The following ITPKB variants were observed in gnomAD, a reference collection of about 807,000 sequenced individuals.
ITPKB encodes the protein IP3 3-kinase B.
In ITPKB, 13 loss-of-function variants were observed where a neutral mutation model predicts 69.4. That is an observed-to-expected ratio of 0.19 (90% CI 0.12 to 0.30). ITPKB has a LOEUF of 0.30. Ranked by LOEUF, ITPKB falls within the 10% of genes least tolerant of loss-of-function variation. The pLI, the probability that ITPKB is intolerant of heterozygous loss-of-function variation, is 1.00. For synonymous variants in ITPKB, 584 were observed against 513.7 expected (o/e 1.14, Z -1.85); for missense variants, 1,240 against 1,250.5 (o/e 0.99, Z 0.13).
chr1:226,717,901 A>G (rs1186120470), intron 2 of ITPKB, among the ~76,000 whole-genome samples: 1 of 152,240 alleles, frequency 6.6e-6, no homozygotes, highest in Admixed American at 6.5e-5. Flanking sequence ...GCCCGTTTTT[A>G]TAGCACCTCT....
intron 2 of ITPKB, among the ~76,000 whole-genome samples, chr1:226,720,758 T>C (rs1657215926): frequency 6.6e-6 from 1 of 152,302 alleles, no homozygotes; most frequent in East Asian, 1.9e-4. Flanking sequence ...AAAAGAAATA[T>C]TGGCCGGGCG....
intron 2 of ITPKB, among the ~76,000 whole-genome samples, chr1:226,650,909 A>G (rs1022282895): frequency 6.6e-6 from 1 of 152,198 alleles, no homozygotes; most frequent in African/African-American, 2.4e-5. Flanking sequence ...GGGCCCTGGA[A>G]AGTGACCTTC....
At chr1:226,651,925 A>G (rs1036967537) in intron 2 of ITPKB, among the ~76,000 whole-genome samples, 18 of 152,302 alleles carry the variant, frequency 1.2e-4, no homozygotes, top group African/African-American at 4.3e-4. Context: ...CCATGAAAAT[A>G]GGTCCCACGT....
intron 2 of ITPKB, among the ~76,000 whole-genome samples, chr1:226,717,948 A>C (rs1657134218): frequency 6.6e-6 from 1 of 152,276 alleles, no homozygotes; most frequent in Non-Finnish European, 1.5e-5. Context: ...ATCATTCCAC[A>C]GAAGGAGACG....
At chr1:226,702,892 A>C (rs1182404221) in intron 2 of ITPKB, among the ~76,000 whole-genome samples, 1 of 152,196 alleles carries the variant, frequency 6.6e-6, no homozygotes. Context: ...GAACTAAGAG[A>C]ATTTCATTCC....
chr1:226,663,826 G>A (rs56188441), intron 2 of ITPKB, among the ~76,000 whole-genome samples: 11,773 of 152,166 alleles, frequency 0.077, 1,509 homozygotes, highest in African/African-American at 0.27. Context: ...GAGCCACCAC[G>A]TCCAGGTTAA....
chr1:226,709,592 TC>T (rs955711278), intron 2 of ITPKB, among the ~76,000 whole-genome samples: 4 of 151,874 alleles, frequency 2.6e-5, no homozygotes, highest in Non-Finnish European at 4.4e-5. Flanking sequence ...ACATCCAACT[TC>T]CCCCCAACAA....
intron 2 of ITPKB, among the ~76,000 whole-genome samples, chr1:226,703,320 GT>G (rs971116116): frequency 6.6e-6 from 1 of 152,238 alleles, no homozygotes; most frequent in African/African-American, 2.4e-5. Context: ...CACTCGATTT[GT>G]TTACAATGAA....
At chr1:226,639,702 C>T in intron 5 of ITPKB, 44 bp from the exon 6 acceptor site, 1 of 1,328,794 alleles carries the variant, frequency 7.5e-7, no homozygotes, top group Non-Finnish European at 1.1e-6. Context: ...CAGCAGGGAC[C>T]CTCGGGCAGA....
At chr1:226,663,579 C>T (rs1053471652) in intron 2 of ITPKB, among the ~76,000 whole-genome samples, 3 of 152,088 alleles carry the variant, frequency 2.0e-5, no homozygotes, top group African/African-American at 7.2e-5. Flanking sequence ...GGCGCAATCA[C>T]GGCTCACCTA....
In ITPKB at chr1:226,701,903, T is replaced by C. The variant is rs543842245; in HGVS notation, c.1932+33624A>G. Among the ~76,000 whole-genome samples the C allele has an allele frequency of 5.9e-5, 9 of 152,242 alleles. No homozygotes were observed. In the South Asian group the frequency reaches 1.9e-3, roughly 32 times the overall value. ...ATTCTGCAGAATAACTGGTACCAAATAGCCATTTCCTGCTCATTCACGGCT... is the reference window on the plus strand; with the variant it reads ...ATTCTGCAGAATAACTGGTACCAAACAGCCATTTCCTGCTCATTCACGGCT... On this transcript the variant is annotated intron_variant, in intron 2 of 7. Coordinates refer to ENST00000429204, the MANE Select transcript of ITPKB (RefSeq NM_002221.4).
intron 2 of ITPKB, among the ~76,000 whole-genome samples, chr1:226,699,836 T>C (rs1355305163): frequency 6.6e-6 from 1 of 152,036 alleles, no homozygotes; most frequent in Non-Finnish European, 1.5e-5. Context: ...GATAAATATA[T>C]AAAGGGGAGT....
chr1:226,633,586 GA>G lies in ITPKB; in HGVS notation c.*1084del, dbSNP rs1249926055. The G allele has an allele frequency of 1.3e-5, 2 of 152,194 alleles. No individual in the cohort carries two copies. The highest frequency in any genetic ancestry group is 4.8e-5 in the African/African-American group (2 of 41,444). 9.4% of individuals were successfully genotyped at this position (152,194 alleles called of 1,614,324 possible). The stretch of plus-strand genomic sequence containing the variant: ...TACCCACACTACATTGGAGAAGCAG[GA>G]ATCTAAGCCCTCCAGGCAGTAAGGC... On this transcript the variant is annotated 3_prime_UTR_variant, in exon 8 of 8. Coordinates refer to ENST00000429204, the MANE Select transcript of ITPKB (RefSeq NM_002221.4).
chr1:226,711,053 G>A (rs1558092751), intron 2 of ITPKB, among the ~76,000 whole-genome samples: 1 of 152,212 alleles, frequency 6.6e-6, no homozygotes, highest in Non-Finnish European at 1.5e-5. Flanking sequence ...ACAGGTAATA[G>A]TGCTTATTAA....
chr1:226,694,914 C>T (rs1189771592), intron 2 of ITPKB, among the ~76,000 whole-genome samples: 1 of 152,246 alleles, frequency 6.6e-6, no homozygotes, highest in African/African-American at 2.4e-5. Flanking sequence ...TTTAGGTCTC[C>T]TCATTCTTCC....
Position 226,736,143 on chromosome 1 carries a change from A to G in ITPKB, c.1316T>C (p.Leu439Pro). ...GAPVGGGRWQ[L>P]SDRVEGGSPT... ...GGACCCTCCCTCCACTCTGTCGGAG[A>G]GCTGCCAACGCCCCCCGCCCACGGG... The change falls in exon 2 of 8, where the codon CTC becomes CCC. Residue 439 changes from leucine to proline, a missense_variant. By Grantham distance (98) the Leu-to-Pro change is moderately conservative. Transcript: ENST00000429204. The G allele has an allele frequency of 6.4e-7, 1 of 1,572,656 alleles. No individual in the cohort carries two copies. Among genetic ancestry groups the G allele is most frequent in the Non-Finnish European group, 8.6e-7 (1 of 1,158,416 alleles).
chr1:226,696,537 T>G (rs537477614), intron 2 of ITPKB, among the ~76,000 whole-genome samples: 1 of 152,310 alleles, frequency 6.6e-6, no homozygotes, highest in South Asian at 2.1e-4. Context: ...TCTACTGTTT[T>G]CTGAGAACAT....
At chr1:226,721,676 G>A (rs550045024) in intron 2 of ITPKB, among the ~76,000 whole-genome samples, 2 of 151,642 alleles carry the variant, frequency 1.3e-5, no homozygotes, top group African/African-American at 2.4e-5. Context: ...TTTGTATTTA[G>A]TAGAGACGGG....
At chr1:226,650,233 G>A (rs899796520) in intron 2 of ITPKB, among the ~76,000 whole-genome samples, 3 of 152,216 alleles carry the variant, frequency 2.0e-5, no homozygotes, top group Admixed American at 1.3e-4. Flanking sequence ...AGACTCAGCC[G>A]CTTCTGTCAT....
Sources: allele counts gnomAD v4.1 joint callset (sites outside exome capture counted in the v4.1 genomes callset), GRCh38; gene constraint gnomAD v4.1.1; transcripts MANE v1.5; gene names NCBI Gene and HGNC (gene_info 2026-07-23, HGNC 2026-07-21).